The following KDM4C variants were observed in gnomAD, a reference collection of about 807,000 sequenced individuals.
KDM4C encodes lysine demethylase 4C, also known as lysine-specific demethylase 4C.
Under a neutral mutation model 129.3 loss-of-function variants are expected in KDM4C, and 81 were observed. That is an observed-to-expected ratio of 0.63 (90% confidence interval 0.52 to 0.75). The LOEUF is 0.75. KDM4C is among the 30% of genes least tolerant of loss of function. KDM4C has a pLI of 0.00. For synonymous variants in KDM4C, 573 were observed against 456.1 expected (o/e 1.26, Z -3.26); for missense variants, 1,457 against 1,304.0 (o/e 1.12, Z -1.81).
intron 7 of KDM4C, among the ~76,000 whole-genome samples, chr9:6,892,480 A>G (rs1184423626): frequency 1.3e-5 from 2 of 152,188 alleles, no homozygotes; most frequent in Non-Finnish European, 2.9e-5. Flanking sequence ...AGGCTTATTT[A>G]TGCGAGTTAT....
intron 1 of KDM4C, among the ~76,000 whole-genome samples, chr9:6,774,868 T>A (rs117141880): frequency 0.01 from 1,562 of 152,298 alleles, 14 homozygotes; most frequent in Non-Finnish European, 0.016. Flanking sequence ...ATGTCCTGAT[T>A]TTTGTGTTCC....
chr9:6,879,368 C>T (rs1303375584), intron 5 of KDM4C, among the ~76,000 whole-genome samples: 2 of 151,986 alleles, frequency 1.3e-5, no homozygotes, highest in East Asian at 3.8e-4. Context: ...TATTTCTGTT[C>T]TTTAAGGGTG....
intron 19 of KDM4C, among the ~76,000 whole-genome samples, chr9:7,164,858 T>G (rs10121668): frequency 0.07 from 10,736 of 152,286 alleles, 670 homozygotes; most frequent in African/African-American, 0.16. Flanking sequence ...AGATGTATGC[T>G]GAAGCATTTT....
At chr9:6,861,405 G>A (rs1038910801) in intron 5 of KDM4C, among the ~76,000 whole-genome samples, 16 of 152,164 alleles carry the variant, frequency 1.1e-4, no homozygotes, top group African/African-American at 3.6e-4. Flanking sequence ...GCTTCTTAGG[G>A]ATAAATATTA....
chr9:6,866,534 C>T (rs894237072), intron 5 of KDM4C, among the ~76,000 whole-genome samples: 4 of 152,130 alleles, frequency 2.6e-5, no homozygotes, highest in Admixed American at 2.0e-4. Flanking sequence ...GCTGAGTTTC[C>T]AGGGCTGGGA....
chr9:6,918,236 A>C (rs915374304), intron 8 of KDM4C, among the ~76,000 whole-genome samples: 1 of 152,096 alleles, frequency 6.6e-6, no homozygotes, highest in African/African-American at 2.4e-5. Flanking sequence ...TGTGTATCCA[A>C]TGTTTAGCTT....
At chr9:6,956,305 TC>T (rs1441690997) in intron 8 of KDM4C, among the ~76,000 whole-genome samples, 1 of 152,172 alleles carries the variant, frequency 6.6e-6, no homozygotes, top group Non-Finnish European at 1.5e-5. Context: ...GATACTCCAT[TC>T]CCCATGATGT....
chr9:6,949,525 C>T (rs188204708), intron 8 of KDM4C, among the ~76,000 whole-genome samples: 3,357 of 152,294 alleles, frequency 0.022, 48 homozygotes, highest in Middle Eastern at 0.051. Flanking sequence ...GCCAAGATCA[C>T]GCCACTGCCC....
rs59537472 is a variant in KDM4C, at chr9:6,929,471, CTTTTTT to C, written c.921+36253_921+36258del. 5.9e-3 allele frequency among the ~76,000 whole-genome samples: 755 copies of C among 127,536 alleles called. 3 individuals are homozygous for C. The highest frequency in any genetic ancestry group is 0.018 in the African/African-American group (629 of 34,230). 83.7% of individuals were successfully genotyped at this position (127,536 alleles called of 152,430 possible). The stretch of plus-strand genomic sequence containing the variant: ...TACACTTTATCCTGTTTGACTTTTT[CTTTTTT>C]TTTTTTTTTTTTTGGCAACAATTCA... On this transcript the variant is annotated intron_variant, in intron 8 of 21. Coordinates refer to ENST00000381309, the MANE Select transcript of KDM4C (RefSeq NM_015061.6).
chr9:7,000,043 C>T (rs556511883), intron 12 of KDM4C, among the ~76,000 whole-genome samples: 2 of 152,212 alleles, frequency 1.3e-5, no homozygotes, highest in South Asian at 4.1e-4. Context: ...GTTGATAGGT[C>T]ACAGCCAGTG....
intron 11 of KDM4C, among the ~76,000 whole-genome samples, chr9:6,988,113 C>A (rs1818049255): frequency 6.9e-6 from 1 of 144,378 alleles, no homozygotes; most frequent in Non-Finnish European, 1.5e-5. Context: ...TGTGATCCCA[C>A]CACTGCACTC....
intron 5 of KDM4C, among the ~76,000 whole-genome samples, chr9:6,856,514 T>C (rs1041930518): frequency 6.6e-5 from 10 of 151,420 alleles, no homozygotes; most frequent in African/African-American, 2.4e-4. Flanking sequence ...TATTGATTAG[T>C]TTTAGGCATA....
chr9:7,175,050 T>C lies in KDM4C; in HGVS notation c.*321T>C. ...AAGCCACTGCCACAGAGGAGGCGGG[T>C]CCCCTTGTGCGGCTTAGGGCCCTGT... On this transcript the variant is annotated 3_prime_UTR_variant, in exon 22 of 22. Coordinates refer to ENST00000381309, the MANE Select transcript of KDM4C (RefSeq NM_015061.6). 1 of 214,224 alleles carries C rather than the reference T, an allele frequency of 4.7e-6. No individual in the cohort carries two copies. The highest frequency in any genetic ancestry group is 9.5e-6 in the Non-Finnish European group (1 of 105,222). 13.3% of individuals were successfully genotyped at this position (214,224 alleles called of 1,614,324 possible).
chr9:6,989,635 T>G (rs574733321), intron 11 of KDM4C, among the ~76,000 whole-genome samples: 1 of 152,338 alleles, frequency 6.6e-6, no homozygotes, highest in African/African-American at 2.4e-5. Flanking sequence ...GTGATTCATT[T>G]CTGAATGGAA....
rs114839428 is a variant in KDM4C at position 7,091,915 on chromosome 9, G to A, written c.2425-11770G>A. Among the ~76,000 whole-genome samples, 548 of 152,310 alleles carry A rather than the reference G, an allele frequency of 3.6e-3. 3 individuals are homozygous for A. Among genetic ancestry groups the A allele is most frequent in the African/African-American group, 0.011 (469 of 41,558 alleles). ...TCCTGACACAGGTCTCAGACCCTGGGCTCAGCACATGCTTCTCTGCGCTGT... is the reference window on the plus strand; with the variant it reads ...TCCTGACACAGGTCTCAGACCCTGGACTCAGCACATGCTTCTCTGCGCTGT... On this transcript the variant is annotated intron_variant, in intron 17 of 21. Coordinates refer to ENST00000381309, the MANE Select transcript of KDM4C (RefSeq NM_015061.6).
Position 6,984,204 on chromosome 9 carries a change from C to G in KDM4C, c.1154C>G (p.Ala385Gly), listed in dbSNP as rs775321863. ...AGGTCTACCTCTAAAAGGCCTAAGG[C>G]TGATGAGGAAGAGGAAGTGTCAGAT... is the stretch of plus-strand genomic sequence containing the variant. ...CARSTSKRPKADEEEEVSDEV... is the reference protein window; with the variant it reads ...CARSTSKRPKGDEEEEVSDEV... Residue 385 changes from alanine (A) to glycine (G), a missense_variant, in exon 10 of 22, where the codon GCT becomes GGT. Ala to Gly is a moderately conservative substitution (Grantham distance 60). Coordinates refer to ENST00000381309, the MANE Select transcript of KDM4C (RefSeq NM_015061.6). The G allele has an allele frequency of 1.2e-6, 2 of 1,613,748 alleles. No individual in the cohort carries two copies. The highest frequency in any genetic ancestry group is 2.2e-5 in the South Asian group (2 of 91,064).
intron 1 of KDM4C, among the ~76,000 whole-genome samples, chr9:6,762,956 G>T (rs111673708): frequency 0.014 from 2,103 of 151,658 alleles, 57 homozygotes; most frequent in African/African-American, 0.047. Context: ...CACCACACCC[G>T]GCCAGGTCAT....
At chr9:6,819,664 C>T (rs895397519) in intron 4 of KDM4C, among the ~76,000 whole-genome samples, 4 of 152,124 alleles carry the variant, frequency 2.6e-5, no homozygotes, top group African/African-American at 9.7e-5. Context: ...TGAGAAATAA[C>T]TTGTATTTAC....
chr9:6,884,753 A>C (rs1844997591), intron 6 of KDM4C, among the ~76,000 whole-genome samples: 1 of 152,180 alleles, frequency 6.6e-6, no homozygotes, highest in South Asian at 2.1e-4. Flanking sequence ...CTAAGCTTTG[A>C]TCTTAAACTC....
Sources: allele counts gnomAD v4.1 joint callset (sites outside exome capture counted in the v4.1 genomes callset), GRCh38; gene constraint gnomAD v4.1.1; transcripts MANE v1.5; gene names NCBI Gene and HGNC (gene_info 2026-07-23, HGNC 2026-07-21).